Variants in AIG1 observed in about 807,000 individuals in gnomAD.
AIG1 encodes androgen induced 1.
A neutral mutation model predicts 31.4 loss-of-function variants in AIG1; 23 were observed. That is an observed-to-expected ratio of 0.73 (90% CI 0.53 to 1.04). The LOEUF (loss-of-function observed/expected upper bound fraction) is 1.04. AIG1 is among the 50% of genes least tolerant of loss of function. AIG1 has a pLI of 0.00. For missense variants in AIG1, 274 were observed against 295.0 expected (o/e 0.93, Z 0.52); for synonymous variants, 100 against 110.5 (o/e 0.90, Z 0.60).
chr6:143,234,636 C>T (rs545782176), intron 3 of AIG1, among the ~76,000 whole-genome samples: 22 of 152,118 alleles, frequency 1.4e-4, no homozygotes, highest in Non-Finnish European at 2.6e-4. Context: ...AGTGTTGTCT[C>T]GCTGGGGCTT....
At position 143,334,558 on chromosome 6, in the gene AIG1, T is replaced by A. The variant is rs1777335193; in HGVS notation, c.679+1113T>A. Among the ~76,000 whole-genome samples the A allele has an allele frequency of 6.6e-6, 1 of 152,222 alleles. No homozygotes were observed. Among genetic ancestry groups the A allele is most frequent in the Non-Finnish European group, 1.5e-5 (1 of 68,036 alleles). On this transcript the variant is annotated intron_variant, in intron 5 of 5. Coordinates refer to ENST00000357847, the MANE Select transcript of AIG1 (RefSeq NM_016108.4). The surrounding 1 kb of genome is among the most constrained non-coding windows in gnomAD (Gnocchi z 5.1). ...TTAATCAATGTTCTATTAGAAAAAG[T>A]ATCAACATTTTTAATTCTGTTCAGG...
intron 1 of AIG1, among the ~76,000 whole-genome samples, chr6:143,118,111 G>C (rs531735854): frequency 6.6e-6 from 1 of 152,166 alleles, no homozygotes; most frequent in Non-Finnish European, 1.5e-5. Flanking sequence ...AAGCAATGTA[G>C]GTCCACAAAG....
chr6:143,071,326 C>T (rs1414340558), intron 1 of AIG1, among the ~76,000 whole-genome samples: 1 of 152,166 alleles, frequency 6.6e-6, no homozygotes, highest in Admixed American at 6.5e-5. Context: ...ACAGTTTAGC[C>T]ATTTATCCGT....
chr6:143,070,260 G>A (rs536007037), intron 1 of AIG1, among the ~76,000 whole-genome samples: 16 of 152,110 alleles, frequency 1.1e-4, no homozygotes, highest in Non-Finnish European at 1.5e-4. Flanking sequence ...AACGATTTGG[G>A]GAAAGTTGGA....
intron 2 of AIG1, among the ~76,000 whole-genome samples, chr6:143,146,260 A>G (rs1439900443): frequency 1.3e-5 from 2 of 152,154 alleles, no homozygotes; most frequent in Admixed American, 1.3e-4. Flanking sequence ...AATCATAGTC[A>G]TAAGTAAAAT....
chr6:143,249,325 A>G (rs1794842805), intron 3 of AIG1, among the ~76,000 whole-genome samples: 1 of 152,194 alleles, frequency 6.6e-6, no homozygotes, highest in Admixed American at 6.5e-5. Context: ...CTCGACGACG[A>G]CGATATTGGA....
chr6:143,199,359 A>G (rs1790508395), intron 3 of AIG1, among the ~76,000 whole-genome samples: 1 of 152,042 alleles, frequency 6.6e-6, no homozygotes, highest in African/African-American at 2.4e-5. Context: ...TACTCAAGCA[A>G]AAGATGGGGG....
intron 3 of AIG1, among the ~76,000 whole-genome samples, chr6:143,237,021 A>G (rs1793857429): frequency 6.6e-6 from 1 of 152,216 alleles, no homozygotes. Context: ...GGCTCAGACA[A>G]GTTAAATAAC....
At chr6:143,149,575 G>A (rs1324364956) in intron 2 of AIG1, among the ~76,000 whole-genome samples, 1 of 148,102 alleles carries the variant, frequency 6.8e-6, no homozygotes, top group African/African-American at 2.5e-5. Flanking sequence ...AATAGGAGTT[G>A]TGTAGAATCT....
At chr6:143,084,273 G>A (rs1214687347) in intron 1 of AIG1, among the ~76,000 whole-genome samples, 1 of 152,180 alleles carries the variant, frequency 6.6e-6, no homozygotes, top group African/African-American at 2.4e-5. Context: ...ATCCCCTGGG[G>A]CAGTGGGCCT....
chr6:143,150,644 T>C (rs1338213199), intron 2 of AIG1, among the ~76,000 whole-genome samples: 1 of 151,994 alleles, frequency 6.6e-6, no homozygotes, highest in Non-Finnish European at 1.5e-5. Flanking sequence ...TTAGATCTGG[T>C]CAGTAATGTT....
intron 1 of AIG1, among the ~76,000 whole-genome samples, chr6:143,100,654 G>T (rs181858320): frequency 6.6e-6 from 1 of 151,892 alleles, no homozygotes; most frequent in Admixed American, 6.6e-5. Context: ...CTAATGGAGA[G>T]AAGATAGTAA....
chr6:143,283,541 T>A (rs1158959662), intron 3 of AIG1, among the ~76,000 whole-genome samples: 1 of 152,214 alleles, frequency 6.6e-6, no homozygotes, highest in East Asian at 1.9e-4. Context: ...AAATGAAAGG[T>A]TGAAAATCTT....
rs1022723680 is a variant in AIG1 at position 143,279,870 on chromosome 6, G to C, written c.400-4240G>C. 4.6e-5 allele frequency among the ~76,000 whole-genome samples: 7 copies of C among 152,116 alleles called. No individual in the cohort carries two copies. The highest frequency in any genetic ancestry group is 1.0e-4 in the Non-Finnish European group (7 of 67,984). ...TTATATCCTAGACCAGTACTTTCTA[G>C]GATGGACTTTATATGGAAGACCAAA... On this transcript the variant is annotated intron_variant, in intron 3 of 5. Coordinates refer to ENST00000357847, the MANE Select transcript of AIG1 (RefSeq NM_016108.4). This position sits in a 1 kb window ranked among gnomAD's most constrained non-coding sequence, Gnocchi z 5.4.
chr6:143,278,524 G>A (rs548689809), intron 3 of AIG1, among the ~76,000 whole-genome samples: 36 of 148,672 alleles, frequency 2.4e-4, no homozygotes, highest in African/African-American at 8.2e-4. Flanking sequence ...GCTGCAGTGC[G>A]GTGGCGTGAT....
At chr6:143,266,215 C>G (rs1399072347) in intron 3 of AIG1, among the ~76,000 whole-genome samples, 1 of 150,630 alleles carries the variant, frequency 6.6e-6, no homozygotes, top group African/African-American at 2.5e-5. Context: ...AGCATGGTGG[C>G]GAGCGCCTGT....
chr6:143,093,936 G>T lies in AIG1; in HGVS notation c.141+32870G>T, dbSNP rs1013606620. The T allele has an allele frequency of 4.6e-5, 7 of 152,178 alleles. 1 individual carries two copies. The East Asian group carries it at 1.2e-3, about 25-fold the overall frequency. 9.4% of individuals were successfully genotyped at this position (152,178 alleles called of 1,614,324 possible). A position where few individuals can be genotyped will look rare whatever the true frequency, so the allele number is the denominator to read the frequency against. ...AATTATAATAGTAAGATCAAGGATT[G>T]CTGATCATAGATCACCATAACAGAT... On this transcript the variant is annotated intron_variant, in intron 1 of 5. Coordinates refer to ENST00000357847, the MANE Select transcript of AIG1 (RefSeq NM_016108.4).
intron 1 of AIG1, among the ~76,000 whole-genome samples, chr6:143,096,495 G>A (rs1172908735): frequency 6.6e-6 from 1 of 152,178 alleles, no homozygotes; most frequent in Non-Finnish European, 1.5e-5. Context: ...GCATGAGAGT[G>A]ACTAAGTTAT....
At chr6:143,277,082 G>A (rs1796985817) in intron 3 of AIG1, among the ~76,000 whole-genome samples, 1 of 152,116 alleles carries the variant, frequency 6.6e-6, no homozygotes, top group Admixed American at 6.5e-5. Flanking sequence ...ATTTTTCTCA[G>A]TTTTTCTCAT....
Sources: gnomAD v4.1 joint callset for allele counts (sites outside exome capture counted in the v4.1 genomes callset) on GRCh38, gnomAD v4.1.1 for gene constraint, Gnocchi (gnomAD v3.1) non-coding constraint, MANE v1.5 for transcripts, NCBI Gene and HGNC (gene_info 2026-07-23, HGNC 2026-07-21) for gene names.